Variants in PAPSS2 observed in about 807,000 individuals in gnomAD.
The protein encoded by PAPSS2 is 3'-phosphoadenosine 5'-phosphosulfate synthase 2.
A neutral mutation model predicts 66.5 loss-of-function variants in PAPSS2; 61 were observed. That is an observed-to-expected ratio of 0.92 (90% confidence interval 0.75 to 1.14). The LOEUF is 1.14. Ranked by LOEUF, PAPSS2 falls within the 50% of genes most tolerant of loss-of-function variation. The pLI is 0.00. For synonymous variants in PAPSS2, 289 were observed against 287.5 expected, an observed-to-expected ratio of 1.01 and a Z score of -0.05; for missense variants, 708 against 789.6, an observed-to-expected ratio of 0.90 and a Z score of 1.24.
At chr10:87,701,306 T>C in intron 1 of PAPSS2, among the ~76,000 whole-genome samples, 1 of 81,406 alleles carries the variant, frequency 1.2e-5, no homozygotes, top group South Asian at 5.3e-4. Context: ...CTTTTTTCCT[T>C]CCTTCCTTCC....
At chr10:87,698,061 C>T (rs1853256945) in intron 1 of PAPSS2, among the ~76,000 whole-genome samples, 2 of 152,122 alleles carry the variant, frequency 1.3e-5, no homozygotes, top group Non-Finnish European at 1.5e-5. Context: ...AAAAGTCATG[C>T]GGAATTTTTT....
chr10:87,728,779 A>T (rs1213257780), intron 9 of PAPSS2, among the ~76,000 whole-genome samples: 1 of 151,906 alleles, frequency 6.6e-6, no homozygotes, highest in Non-Finnish European at 1.5e-5. Flanking sequence ...TAACTGTAAG[A>T]TCTCATCCAG....
rs556255705 is a variant in PAPSS2, at chr10:87,661,531, C to T, written c.27+1523C>T. ...TCAGTGGGGTTTTAATTCCCACCTT[C>T]CTGCTTGCATCAAGAATTCCTTCTC... On this transcript the variant is annotated intron_variant, in intron 1 of 12. Coordinates refer to ENST00000456849, the MANE Select transcript of PAPSS2 (RefSeq NM_001015880.2). Among the ~76,000 whole-genome samples, 3 of 152,266 alleles carry T rather than the reference C, an allele frequency of 2.0e-5. No homozygotes were observed. In the East Asian group the frequency reaches 5.8e-4, roughly 29 times the overall value.
At position 87,689,433 on chromosome 10, in the gene PAPSS2, G is replaced by A. The variant is rs1245170600; in HGVS notation, c.28-19763G>A. Among the ~76,000 whole-genome samples, 9 of 152,010 alleles carry A rather than the reference G, an allele frequency of 5.9e-5. No individual in the cohort carries two copies. The East Asian group carries it at 1.7e-3, about 29-fold the overall frequency. Reference sequence around the variant, plus strand: ...GGCCTGTAATCCCAGCACTTTGGGAGGCCGAGGCAGGTGGATCACCTGAAG... The same window carrying A: ...GGCCTGTAATCCCAGCACTTTGGGAAGCCGAGGCAGGTGGATCACCTGAAG... On this transcript the variant is annotated intron_variant, in intron 1 of 12. Coordinates refer to ENST00000456849, the MANE Select transcript of PAPSS2 (RefSeq NM_001015880.2).
intron 1 of PAPSS2, chr10:87,703,880 C>T (rs1853349854): frequency 2.0e-6 from 1 of 512,142 alleles, no homozygotes; most frequent in African/African-American, 1.9e-5. Flanking sequence ...CCGAGGATGT[C>T]TGTGTGTTCT....
chr10:87,721,909 A>G (rs1443400495), intron 8 of PAPSS2, 139 bp downstream of exon 8: 5 of 598,360 alleles, frequency 8.4e-6, no homozygotes, highest in South Asian at 4.6e-5. Flanking sequence ...CCAACCAGCT[A>G]TAGTAGAATA....
At chr10:87,678,992 G>T (rs1351965490) in intron 1 of PAPSS2, among the ~76,000 whole-genome samples, 1 of 152,138 alleles carries the variant, frequency 6.6e-6, no homozygotes, top group Non-Finnish European at 1.5e-5. Context: ...GTTTATTGTA[G>T]CACTATTCAT....
intron 10 of PAPSS2, 21 bp from the exon 11 acceptor site, chr10:87,743,352 T>TC: frequency 6.2e-7 from 1 of 1,612,514 alleles, no homozygotes; most frequent in Non-Finnish European, 8.5e-7. Flanking sequence ...TGACCTTCCT[T>TC]CTTCTGCTTT....
At chr10:87,710,934 C>T (rs1853455918) in intron 2 of PAPSS2, among the ~76,000 whole-genome samples, 1 of 152,036 alleles carries the variant, frequency 6.6e-6, no homozygotes, top group Non-Finnish European at 1.5e-5. Flanking sequence ...ACATAGGAGG[C>T]AGAAGTTGCA....
intron 1 of PAPSS2, among the ~76,000 whole-genome samples, chr10:87,692,444 G>A (rs1444877506): frequency 6.6e-6 from 1 of 152,180 alleles, no homozygotes; most frequent in Non-Finnish European, 1.5e-5. Context: ...ACCCTAAAGA[G>A]AGATGGAGGA....
At chr10:87,703,533 C>G (rs6586098) in intron 1 of PAPSS2, among the ~76,000 whole-genome samples, 9 of 151,484 alleles carry the variant, frequency 5.9e-5, no homozygotes, top group African/African-American at 1.9e-4. Flanking sequence ...GCTATTTTAT[C>G]TAGATAATTC....
chr10:87,700,441 G>A (rs986524942), intron 1 of PAPSS2, among the ~76,000 whole-genome samples: 1 of 152,156 alleles, frequency 6.6e-6, no homozygotes, highest in Non-Finnish European at 1.5e-5. Flanking sequence ...AGAATCACTT[G>A]AGTCTAGGAG....
intron 12 of PAPSS2, 42 bp from the exon 13 acceptor site, chr10:87,745,790 T>A: frequency 1.9e-6 from 3 of 1,609,406 alleles, no homozygotes; most frequent in Non-Finnish European, 2.6e-6. Context: ...AAGGCAGATA[T>A]CATTTACCTA....
chr10:87,744,303 T>C (rs1382410057), intron 11 of PAPSS2, among the ~76,000 whole-genome samples: 2 of 152,204 alleles, frequency 1.3e-5, no homozygotes, highest in African/African-American at 4.8e-5. Flanking sequence ...AGGATATCTT[T>C]AAAAGATAAA....
chr10:87,737,856 T>G (rs763943387), intron 9 of PAPSS2, among the ~76,000 whole-genome samples: 2 of 152,120 alleles, frequency 1.3e-5, no homozygotes, highest in Non-Finnish European at 2.9e-5. Context: ...CTCCAGCTCC[T>G]GGTAACTACC....
At chr10:87,703,263 GACA>G (rs1354533618) in intron 1 of PAPSS2, among the ~76,000 whole-genome samples, 7 of 146,644 alleles carry the variant, frequency 4.8e-5, no homozygotes, top group South Asian at 4.4e-4. Flanking sequence ...CAGCAATAAT[GACA>G]ACAACATTGC....
chr10:87,715,597 C>T (rs1853522564), intron 6 of PAPSS2, 135 bp from the exon 7 acceptor site: 1 of 708,620 alleles, frequency 1.4e-6, no homozygotes, highest in Non-Finnish European at 2.6e-6. Context: ...GTTAGCATAA[C>T]AGGTGGGGAC....
intron 11 of PAPSS2, 133 bp from the exon 12 acceptor site, chr10:87,744,869 G>T: frequency 1.3e-6 from 1 of 762,890 alleles, no homozygotes; most frequent in Non-Finnish European, 2.3e-6. Context: ...TAGAACCTCA[G>T]TGATTTTCTT....
chr10:87,667,751 G>A (rs1589417406), intron 1 of PAPSS2, among the ~76,000 whole-genome samples: 1 of 152,090 alleles, frequency 6.6e-6, no homozygotes, highest in African/African-American at 2.4e-5. Flanking sequence ...TTAACTTTTG[G>A]CAATAAATGC....
Sources: gnomAD v4.1 joint callset for allele counts (sites outside exome capture counted in the v4.1 genomes callset) on GRCh38, gnomAD v4.1.1 for gene constraint, MANE v1.5 for transcripts, NCBI Gene and HGNC (gene_info 2026-07-23, HGNC 2026-07-21) for gene names.